DDX5: variants seen among roughly 807,000 people sequenced by gnomAD.
DDX5 encodes DEAD-box helicase 5.
Under a neutral mutation model 68.6 loss-of-function variants are expected in DDX5, and 6 were observed. That is an observed-to-expected ratio of 0.09 (90% CI 0.05 to 0.17). The LOEUF (loss-of-function observed/expected upper bound fraction) is 0.17, where lower values mean the gene tolerates loss of function less well. Among genes scored for constraint, DDX5 ranks in the 10% least tolerant of loss-of-function variants. The probability of loss-of-function intolerance (pLI) is 1.00; values close to 1 mark genes in which losing one functional copy is unlikely to be tolerated. For synonymous variants in DDX5, 350 were observed against 247.0 expected, an observed-to-expected ratio of 1.42 and a Z score of -3.91; for missense variants, 499 against 756.1, an observed-to-expected ratio of 0.66 and a Z score of 3.99.
upstream of DDX5, chr17:64,506,291 C>G (rs1303968457): frequency 2.6e-6 from 4 of 1,524,010 alleles, no homozygotes; most frequent in South Asian, 1.2e-5. Flanking sequence ...GAATGAGGTG[C>G]CGGCCGCTTT....
At chr17:64,505,465 A>G in intron 1 of DDX5, 1 of 565,798 alleles carries the variant, frequency 1.8e-6, no homozygotes, top group Non-Finnish European at 3.2e-6. Context: ...GCCCGGGCGG[A>G]GTCGGCCGGG....
rs1196703505 is a variant in DDX5, at chr17:64,502,444, T to C, written c.1089A>G (p.Arg363=). The C allele has an allele frequency of 1.9e-6, 3 of 1,608,102 alleles. No individual in the cohort carries two copies. Among genetic ancestry groups the C allele is most frequent in the Admixed American group, 3.3e-5 (2 of 59,990 alleles). ...ATGGAGGAGCTCACACATACCCATC[T>C]CTCCTCATTTTTCTGGTAAGCTCAT... ...RCDELTRKMR[R]DGWPAMGIHG... Residue 363 remains arginine (R), a synonymous_variant, in exon 9 of 13, where the codon AGA becomes AGG. Transcript: ENST00000225792.
intron 1 of DDX5, 94 bp from the exon 2 acceptor site, chr17:64,504,936 T>A: frequency 8.0e-7 from 1 of 1,257,746 alleles, no homozygotes; most frequent in Non-Finnish European, 1.1e-6. Context: ...TAAAAACCAC[T>A]GAAAACAGAC....
rs1555671222 is a variant in DDX5, at chr17:64,502,235, G to A, written c.1095-12C>T. 15 of 1,613,560 alleles carry A rather than the reference G, an allele frequency of 9.3e-6. No homozygotes were observed. The highest frequency in any genetic ancestry group is 1.7e-5 in the Admixed American group (1 of 60,000). ...CCATGGCAGGCCACCTAAGTTAAAAGACAAGTTGTGTTATTAAACTCACAT... is the reference window on the plus strand; with the variant it reads ...CCATGGCAGGCCACCTAAGTTAAAAAACAAGTTGTGTTATTAAACTCACAT... On this transcript the variant is annotated splice_polypyrimidine_tract_variant and intron_variant, in intron 9 of 12. Transcript: ENST00000225792.
chr17:64,505,918 G>T (rs1390557452), intron 1 of DDX5, 158 bp downstream of exon 1: 1 of 1,534,146 alleles, frequency 6.5e-7, no homozygotes, highest in East Asian at 2.4e-5. Context: ...CAATCACTGT[G>T]ACGTGAATAT....
At position 64,503,986 on chromosome 17, in the gene DDX5, C is replaced by A; in HGVS notation, c.438G>T (p.Leu146Phe). 1.2e-6 allele frequency: 2 copies of A among 1,614,156 alleles called. No homozygotes were observed. Among genetic ancestry groups the A allele is most frequent in the Non-Finnish European group, 1.7e-6 (2 of 1,180,010 alleles). ...GVAQTGSGKT[L>F]SYLLPAIVHI... ...TCAAGAGTTCTCCCAAACTTACAGA[C>A]AATGTTTTCCCAGATCCAGTCTGTG... is the stretch of plus-strand genomic sequence containing the variant. Residue 146 changes from leucine (L) to phenylalanine (F), a missense_variant, in exon 4 of 13, where the codon TTG becomes TTT. By Grantham distance (22) the Leu-to-Phe change is conservative. Around this residue, in one of 5 missense-constraint regions of DDX5, gnomAD observed 141 missense variants for 279.8 expected, o/e 0.50. Coordinates refer to ENST00000225792, the MANE Select transcript of DDX5 (RefSeq NM_004396.5).
chr17:64,502,867 C>G, intron 8 of DDX5, 59 bp downstream of exon 8: 2 of 1,461,294 alleles, frequency 1.4e-6, no homozygotes, highest in Non-Finnish European at 1.8e-6. Flanking sequence ...AAACAATGAT[C>G]CCTCAATTTT....
intron 11 of DDX5, 101 bp from the exon 12 acceptor site, chr17:64,500,874 A>C (rs782499761): frequency 1.2e-6 from 1 of 827,872 alleles, no homozygotes; most frequent in Non-Finnish European, 2.0e-6. Flanking sequence ...ATTCCCAAGA[A>C]GGTACGGGCT....
At chr17:64,506,043 C>CCCCA in intron 1 of DDX5, 33 bp downstream of exon 1, 1 of 1,558,030 alleles carries the variant, frequency 6.4e-7, no homozygotes, top group Non-Finnish European at 8.7e-7. Context: ...TCCCCCCACC[C>CCCCA]GCCAGGCCTG....
At chr17:64,506,613 A>G (rs2038540912), upstream of DDX5, 4 of 378,134 alleles carry the variant, frequency 1.1e-5, no homozygotes, top group Non-Finnish European at 2.0e-5. Flanking sequence ...GTCTCCAAAG[A>G]GCCCTCACGT....
intron 1 of DDX5, 83 bp downstream of exon 1, chr17:64,505,993 G>T: frequency 3.2e-6 from 5 of 1,542,292 alleles, no homozygotes; most frequent in Non-Finnish European, 4.4e-6. Context: ...AGTCCAAGCC[G>T]CAAAGCCCCC....
At chr17:64,501,109 TCAC>T in intron 11 of DDX5, 1 of 307,524 alleles carries the variant, frequency 3.3e-6, no homozygotes, top group South Asian at 4.7e-5. Flanking sequence ...ACTTAAAGTT[TCAC>T]AGCAACCTCT....
intron 4 of DDX5, 41 bp downstream of exon 4, chr17:64,503,942 T>C: frequency 6.2e-7 from 1 of 1,613,976 alleles, no homozygotes. Context: ...TTACATTTTC[T>C]TGCATATATC....
intron 1 of DDX5, chr17:64,505,873 G>C (rs1325101167): frequency 4.6e-6 from 7 of 1,535,848 alleles, no homozygotes; most frequent in Middle Eastern, 1.7e-4. Context: ...CACACAAAAA[G>C]CAAGCTTGAA....
At chr17:64,505,641 A>T (rs868959038) in intron 1 of DDX5, 1 of 1,235,888 alleles carries the variant, frequency 8.1e-7, no homozygotes, top group Middle Eastern at 1.9e-4. Context: ...CACATGGCTG[A>T]TGCCGGCCGC....
intron 4 of DDX5, 23 bp downstream of exon 4, chr17:64,503,960 C>T (rs1555671606): frequency 1.9e-6 from 3 of 1,614,050 alleles, no homozygotes; most frequent in Admixed American, 3.3e-5. Context: ...ATCAGATCAA[C>T]TCAAGAGTTC....
chr17:64,506,032 A>ACCCCCCCC, intron 1 of DDX5, 44 bp downstream of exon 1: 12 of 442,550 alleles, frequency 2.7e-5, no homozygotes, highest in Admixed American at 1.3e-4. Context: ...CCGCCCTCCC[A>ACCCCCCCC]TCCCCCCACC....
chr17:64,504,569 C>T, intron 2 of DDX5, 108 bp downstream of exon 2: 2 of 1,337,524 alleles, frequency 1.5e-6, no homozygotes, highest in Non-Finnish European at 2.1e-6. Flanking sequence ...GAAGTCAGAA[C>T]ATGTAACTCT....
intron 9 of DDX5, 81 bp downstream of exon 9, chr17:64,502,358 A>G: frequency 1.4e-6 from 2 of 1,446,796 alleles, no homozygotes; most frequent in Non-Finnish European, 9.7e-7. Context: ...GATATGAAAA[A>G]AATCCACTGC....
Sources: allele counts gnomAD v4.1 joint callset, GRCh38; gene constraint gnomAD v4.1.1; regional missense constraint gnomAD v4.1.1; transcripts MANE v1.5; gene names NCBI Gene and HGNC (gene_info 2026-07-23, HGNC 2026-07-21).